Variants in FRY observed in about 807,000 individuals in gnomAD.
The protein encoded by FRY is protein furry homolog.
In FRY, 128 loss-of-function variants were observed where a neutral mutation model predicts 348.4. The observed-to-expected ratio is 0.37, with a 90% CI of 0.32 to 0.43. FRY has a LOEUF of 0.43. Ranked by LOEUF, FRY falls within the 20% of genes least tolerant of loss-of-function variation. FRY has a pLI of 1.00. For synonymous variants in FRY, 1,370 were observed against 1,374.7 expected, an observed-to-expected ratio of 1.00 and a Z score of 0.08; for missense variants, 2,736 against 3,695.2, an observed-to-expected ratio of 0.74 and a Z score of 6.73.
chr13:32,085,748 G>C, intron 2 of FRY: 1 of 398,032 alleles, frequency 2.5e-6, no homozygotes, highest in East Asian at 6.1e-5. Flanking sequence ...TCCTCTCTTT[G>C]TGTTCACGCA....
chr13:32,267,208 C>T lies in FRY; in HGVS notation c.7985C>T (p.Ser2662Leu), dbSNP rs750020821. 5.6e-6 allele frequency: 9 copies of T among 1,614,050 alleles called. No individual in the cohort carries two copies. Among genetic ancestry groups the T allele is most frequent in the Admixed American group, 1.7e-5 (1 of 60,006 alleles). The change falls in exon 55 of 61, where the codon TCG (serine) becomes TTG (leucine). Residue 2662 changes from serine (S) to leucine (L), a missense_variant. Physicochemically the swap from Ser to Leu is moderately radical, Grantham distance 145. Around this residue, in one of 9 missense-constraint regions of FRY, gnomAD observed 789 missense variants for 996.2 expected, o/e 0.79. Coordinates refer to ENST00000542859, the MANE Select transcript of FRY (RefSeq NM_023037.3). Reference protein sequence around the residue: ...EGDRGVSPPPSPFFSAILAAF... With the variant: ...EGDRGVSPPPLPFFSAILAAF... ...GACAGGGGAGTCTCTCCCCCTCCCT[C>T]GCCCTTCTTCTCAGCCATCCTTGCC...
chr13:32,049,506 C>T (rs916836243), intron 1 of FRY, among the ~76,000 whole-genome samples: 9 of 152,170 alleles, frequency 5.9e-5, no homozygotes, highest in African/African-American at 2.2e-4. Flanking sequence ...ACGATCTCAG[C>T]TCACTGCAAG....
Position 32,249,640 on chromosome 13 carries a change from T to C in FRY, c.7123T>C (p.Ser2375Pro). 6.2e-7 allele frequency: 1 copy of C among 1,614,190 alleles called. No individual in the cohort carries two copies. Among genetic ancestry groups the C allele is most frequent in the South Asian group, 1.1e-5 (1 of 91,084 alleles). The change falls in exon 49 of 61, where the codon TCC becomes CCC. Residue 2375 changes from serine to proline, a missense_variant. By Grantham distance (74) the Ser-to-Pro change is moderately conservative. Transcript: ENST00000542859. ...ATCTTCCACTTCCTCAGGCTCCAACTCCAACGTCCTTGTTCCAGTGAGCTG... is the reference window on the plus strand; with the variant it reads ...ATCTTCCACTTCCTCAGGCTCCAACCCCAACGTCCTTGTTCCAGTGAGCTG... ...STSSTSSGSN[S>P]NVLVPVSWKR...
At chr13:32,221,340 T>C (rs1566143961) in intron 36 of FRY, among the ~76,000 whole-genome samples, 1 of 152,206 alleles carries the variant, frequency 6.6e-6, no homozygotes, top group Non-Finnish European at 1.5e-5. Flanking sequence ...CGACATAGTA[T>C]GTTCTTCCTC....
chr13:32,121,361 C>A (rs1013805939), intron 4 of FRY, among the ~76,000 whole-genome samples: 2 of 152,176 alleles, frequency 1.3e-5, no homozygotes, highest in East Asian at 1.9e-4. Context: ...TTTTCCATAG[C>A]AGCTATACTA....
intron 18 of FRY, among the ~76,000 whole-genome samples, chr13:32,171,608 G>A (rs773243569): frequency 2.6e-5 from 4 of 151,992 alleles, no homozygotes; most frequent in Non-Finnish European, 5.9e-5. Flanking sequence ...CACCATGCCC[G>A]GCTGAATTTA....
Position 32,239,772 on chromosome 13 carries a change from A to C in FRY, c.6578A>C (p.Lys2193Thr). ...SNLAHVMTLYKTHSYTRDCAT... is the reference protein window; with the variant it reads ...SNLAHVMTLYTTHSYTRDCAT... ...CTTGCACATGTCATGACTCTTTATA[A>C]AACGCACAGCTACACGAGGGACTGT... is the stretch of plus-strand genomic sequence containing the variant. Residue 2193 changes from lysine to threonine, a missense_variant, in exon 46 of 61, where the codon AAA (lysine) becomes ACA (threonine). Around this residue, in one of 9 missense-constraint regions of FRY, gnomAD observed 789 missense variants for 996.2 expected, o/e 0.79. Coordinates refer to ENST00000542859, the MANE Select transcript of FRY (RefSeq NM_023037.3). The surrounding 1 kb of genome is among the most constrained non-coding windows in gnomAD (Gnocchi z 4.3). The C allele has an allele frequency of 2.5e-6, 4 of 1,613,934 alleles. No individual in the cohort carries two copies. Among genetic ancestry groups the C allele is most frequent in the Non-Finnish European group, 3.4e-6 (4 of 1,179,816 alleles).
chr13:32,256,409 C>A (rs1193576469), intron 51 of FRY, among the ~76,000 whole-genome samples: 2 of 152,030 alleles, frequency 1.3e-5, no homozygotes, highest in Admixed American at 6.6e-5. Context: ...ATAGCACATG[C>A]CTGTGGTCCC....
intron 2 of FRY, among the ~76,000 whole-genome samples, chr13:32,086,920 T>C (rs1467436381): frequency 2.6e-5 from 4 of 152,132 alleles, no homozygotes; most frequent in Non-Finnish European, 5.9e-5. Flanking sequence ...GTTCACAAAA[T>C]AGTTAACGGA....
rs146741644 is a variant in FRY at position 32,037,422 on chromosome 13, A to G, written c.70+5557A>G. Reference sequence around the variant, plus strand: ...ATTGTCTTTAGCAGTGAGATCAGGGAGAATATTTCCAGGGATAATGGAAAT... The same window carrying G: ...ATTGTCTTTAGCAGTGAGATCAGGGGGAATATTTCCAGGGATAATGGAAAT... On this transcript the variant is annotated intron_variant, in intron 1 of 60. Coordinates refer to ENST00000542859, the MANE Select transcript of FRY (RefSeq NM_023037.3). 2.4e-4 allele frequency among the ~76,000 whole-genome samples: 36 copies of G among 152,330 alleles called. No homozygotes were observed. In the East Asian group the frequency reaches 6.9e-3, roughly 29 times the overall value.
intron 35 of FRY, among the ~76,000 whole-genome samples, chr13:32,217,487 T>C (rs1593755639): frequency 6.6e-6 from 1 of 152,274 alleles, no homozygotes; most frequent in East Asian, 1.9e-4. Context: ...CAAACATCCT[T>C]TCTTTTGTTC....
intron 36 of FRY, among the ~76,000 whole-genome samples, chr13:32,222,962 C>CT (rs1047575171): frequency 5.6e-5 from 8 of 142,682 alleles, no homozygotes; most frequent in Admixed American, 2.8e-4. Flanking sequence ...TGAAATTGTG[C>CT]TTTTTTTTTG....
chr13:32,274,668 C>G (rs972432942), intron 55 of FRY, among the ~76,000 whole-genome samples, 174 bp from the exon 56 acceptor site: 1 of 127,584 alleles, frequency 7.8e-6, no homozygotes, highest in Non-Finnish European at 1.6e-5. Flanking sequence ...CGCGCCACTG[C>G]ACTCCAGCCT....
intron 27 of FRY, 124 bp downstream of exon 27, chr13:32,186,544 G>A (rs966920133): frequency 6.1e-5 from 44 of 722,904 alleles, no homozygotes; most frequent in Middle Eastern, 3.8e-4. Flanking sequence ...AAATCTAAGC[G>A]CACATACAAA....
chr13:32,257,829 T>C (rs2138530395), intron 51 of FRY: 1 of 719,306 alleles, frequency 1.4e-6, no homozygotes, highest in East Asian at 2.6e-5. Flanking sequence ...AAGGTGCACC[T>C]ACTGAAGTGT....
intron 55 of FRY, among the ~76,000 whole-genome samples, chr13:32,268,503 A>ATATATAT (rs60813461): frequency 2.7e-4 from 4 of 14,762 alleles, no homozygotes; most frequent in East Asian, 5.9e-3. Flanking sequence ...AAAAAAAAAA[A>ATATATAT]AAATATATAT....
chr13:32,155,263 C>T (rs1881042172), intron 14 of FRY, among the ~76,000 whole-genome samples: 1 of 151,982 alleles, frequency 6.6e-6, no homozygotes, highest in Non-Finnish European at 1.5e-5. Context: ...CAAACATGCC[C>T]TCCACAGTCG....
intron 2 of FRY, among the ~76,000 whole-genome samples, chr13:32,090,208 C>T (rs1876188242): frequency 6.6e-6 from 1 of 151,680 alleles, no homozygotes; most frequent in Non-Finnish European, 1.5e-5. Context: ...ATTAGCCAGG[C>T]GTGGTGGTGG....
At chr13:32,265,744 T>C (rs1461964558) in intron 54 of FRY, 128 bp downstream of exon 54, 1 of 923,474 alleles carries the variant, frequency 1.1e-6, no homozygotes, top group Non-Finnish European at 1.7e-6. Context: ...AAGTGACATA[T>C]ATCATGGCAG....
Sources: allele counts gnomAD v4.1 joint callset (sites outside exome capture counted in the v4.1 genomes callset), GRCh38; gene constraint gnomAD v4.1.1; regional missense constraint gnomAD v4.1.1; non-coding constraint Gnocchi (gnomAD v3.1); transcripts MANE v1.5; gene names NCBI Gene and HGNC (gene_info 2026-07-23, HGNC 2026-07-21).